The following DCUN1D5 variants were observed in gnomAD, a reference collection of about 807,000 sequenced individuals.
DCUN1D5 encodes the protein defective in cullin neddylation 1 domain containing 5.
DCUN1D5 carries 10 observed loss-of-function variants against 38.3 expected under a neutral mutation model. That is an observed-to-expected ratio of 0.26 (90% CI 0.16 to 0.44). The LOEUF is 0.44. Among genes scored for constraint, DCUN1D5 ranks in the 20% least tolerant of loss-of-function variants. DCUN1D5 has a pLI of 1.00. For missense variants in DCUN1D5, 148 were observed against 275.3 expected (o/e 0.54, Z 3.27); for synonymous variants, 93 against 90.9 (o/e 1.02, Z -0.13).
chr11:103,089,148 CAGAT>C, intron 2 of DCUN1D5, 75 bp downstream of exon 2: 1 of 1,403,420 alleles, frequency 7.1e-7, no homozygotes, highest in Admixed American at 1.8e-5. Flanking sequence ...AGGCCTGTAA[CAGAT>C]AATTTGTTAA....
rs1862431482 is a variant in DCUN1D5 at position 103,077,191 on chromosome 11, C to T, written c.341+5557G>A. 6.6e-6 allele frequency among the ~76,000 whole-genome samples: 1 copy of T among 151,804 alleles called. No homozygotes were observed. The highest frequency in any genetic ancestry group is 2.1e-4 in the South Asian group (1 of 4,816). ...CTCCAGCCTGGGAGACTGAGCAAGA[C>T]GCCGTCTCAAATAAAAAAAAAAGAA... On this transcript the variant is annotated intron_variant, in intron 4 of 7. Transcript: ENST00000260247. The surrounding 1 kb of genome is among the most constrained non-coding windows in gnomAD (Gnocchi z 4.3).
intron 4 of DCUN1D5, among the ~76,000 whole-genome samples, chr11:103,069,667 C>G (rs1862222933): frequency 6.6e-6 from 1 of 152,190 alleles, no homozygotes; most frequent in East Asian, 1.9e-4. Context: ...CTATCCCTTT[C>G]AGACAAGAAA....
intron 4 of DCUN1D5, among the ~76,000 whole-genome samples, chr11:103,081,040 A>T (rs1862551302): frequency 6.6e-6 from 1 of 151,964 alleles, no homozygotes; most frequent in South Asian, 2.1e-4. Flanking sequence ...TGGGCTAGTC[A>T]GTTTCTATTC....
At chr11:103,085,061 A>C (rs1862667640) in intron 2 of DCUN1D5, among the ~76,000 whole-genome samples, 1 of 152,244 alleles carries the variant, frequency 6.6e-6, no homozygotes, top group South Asian at 2.1e-4. Context: ...ATATATTGTA[A>C]ATTTTTCTAA....
rs187629346 is a variant in DCUN1D5, at chr11:103,089,861, A to C, written c.87-543T>G. Among the ~76,000 whole-genome samples the C allele has an allele frequency of 2.1e-3, 315 of 152,292 alleles. 1 individual carries two copies. The highest frequency in any genetic ancestry group is 3.7e-3 in the Non-Finnish European group (249 of 67,986). On this transcript the variant is annotated intron_variant, in intron 1 of 7. Coordinates refer to ENST00000260247, the MANE Select transcript of DCUN1D5 (RefSeq NM_032299.4). ...TTACACAGATTTAAAAAAAACAACA[A>C]AAAAACACTAAAAGTTAATAATAGT...
At chr11:103,090,819 G>A (rs1398105340) in intron 1 of DCUN1D5, among the ~76,000 whole-genome samples, 4 of 152,216 alleles carry the variant, frequency 2.6e-5, no homozygotes, top group Admixed American at 2.0e-4. Flanking sequence ...GGCTGAGGCA[G>A]GAGAATCGCT....
rs1024529610 is a variant in DCUN1D5 at position 103,055,258 on chromosome 11, A to C, written c.*7101T>G. 6.6e-6 allele frequency: 1 copy of C among 152,124 alleles called. No homozygotes were observed. Among genetic ancestry groups the C allele is most frequent in the African/African-American group, 2.4e-5 (1 of 41,432 alleles). 9.4% of individuals were successfully genotyped at this position (152,124 alleles called of 1,614,324 possible). A position where few individuals can be genotyped will look rare whatever the true frequency, so the allele number is the denominator to read the frequency against. ...CTCAAAAAGTTTTGGATTTTGAAGC[A>C]TTTTGAATTTCAGATTTTCAAGTTA... On this transcript the variant is annotated 3_prime_UTR_variant, in exon 8 of 8. Coordinates refer to ENST00000260247, the MANE Select transcript of DCUN1D5 (RefSeq NM_032299.4).
At position 103,057,857 on chromosome 11, in the gene DCUN1D5, A is replaced by T. The variant is rs1861912262; in HGVS notation, c.*4502T>A. 6.6e-6 allele frequency among the ~76,000 whole-genome samples: 1 copy of T among 152,228 alleles called. No individual in the cohort carries two copies. On this transcript the variant is annotated 3_prime_UTR_variant, in exon 8 of 8. Transcript: ENST00000260247. This position sits in a 1 kb window ranked among gnomAD's most constrained non-coding sequence, Gnocchi z 4.8. ...TTAGCTTTTTAAAATCCACAATTTT[A>T]ACCTCATACTTAAAACCAAACCCAT...
Position 103,066,384 on chromosome 11 carries a change from A to G in DCUN1D5, c.451-11T>C. ...TCTCTGATCTTTATCCTAAAATATA[A>G]GTGAAAAAGTTTTCCTAAGTGTGGT... On this transcript the variant is annotated splice_polypyrimidine_tract_variant and intron_variant, in intron 5 of 7. Transcript: ENST00000260247. The surrounding 1 kb of genome is among the most constrained non-coding windows in gnomAD (Gnocchi z 4.7). The G allele has an allele frequency of 1.2e-6, 2 of 1,603,020 alleles. No individual in the cohort carries two copies. Among genetic ancestry groups the G allele is most frequent in the Non-Finnish European group, 1.7e-6 (2 of 1,175,054 alleles).
rs779440007 is a variant in DCUN1D5, at chr11:103,066,231, T to A, written c.555+38A>T. 1 of 1,311,840 alleles carries A rather than the reference T, an allele frequency of 7.6e-7. No individual in the cohort carries two copies. The highest frequency in any genetic ancestry group is 1.1e-6 in the Non-Finnish European group (1 of 945,538). 81.3% of individuals were successfully genotyped at this position (1,311,840 alleles called of 1,614,324 possible). ...AAAGTATAACTTTCAGATTAAGTTT[T>A]AAAATAATATTTTCAAAATTCGAAA... On this transcript the variant is annotated intron_variant, in intron 6 of 7. Coordinates refer to ENST00000260247, the MANE Select transcript of DCUN1D5 (RefSeq NM_032299.4). The surrounding 1 kb of genome is among the most constrained non-coding windows in gnomAD (Gnocchi z 4.7).
At position 103,055,240 on chromosome 11, in the gene DCUN1D5, A is replaced by ATTTT. The variant is rs1861845548; in HGVS notation, c.*7118_*7119insAAAA. 1 of 152,128 alleles carries ATTTT rather than the reference A, an allele frequency of 6.6e-6. No individual in the cohort carries two copies. Among genetic ancestry groups the ATTTT allele is most frequent in the Non-Finnish European group, 1.5e-5 (1 of 68,004 alleles). 9.4% of individuals were successfully genotyped at this position (152,128 alleles called of 1,614,324 possible). A position where few individuals can be genotyped will look rare whatever the true frequency, so the allele number is the denominator to read the frequency against. On this transcript the variant is annotated 3_prime_UTR_variant, in exon 8 of 8. Coordinates refer to ENST00000260247, the MANE Select transcript of DCUN1D5 (RefSeq NM_032299.4). ...TGTGGCATCATGTCAACACTCAAAA[A>ATTTT]GTTTTGGATTTTGAAGCATTTTGAA... is the stretch of plus-strand genomic sequence containing the variant.
At position 103,073,515 on chromosome 11, in the gene DCUN1D5, C is replaced by G. The variant is rs1185364809; in HGVS notation, c.342-6948G>C. On this transcript the variant is annotated intron_variant, in intron 4 of 7. Transcript: ENST00000260247. This position sits in a 1 kb window ranked among gnomAD's most constrained non-coding sequence, Gnocchi z 4.2. The stretch of plus-strand genomic sequence containing the variant: ...CAGGATGCATAAGTCTACCTGATTT[C>G]AAGTCTTAGTATTTAGCCACAGTAA... 1.3e-5 allele frequency among the ~76,000 whole-genome samples: 2 copies of G among 152,188 alleles called. No individual in the cohort carries two copies. Among genetic ancestry groups the G allele is most frequent in the Non-Finnish European group, 1.5e-5 (1 of 68,034 alleles).
At position 103,052,314 on chromosome 11, in the gene DCUN1D5, C is replaced by T. The variant is rs1206642772; in HGVS notation, c.*10045G>A. On this transcript the variant is annotated 3_prime_UTR_variant, in exon 8 of 8. Coordinates refer to ENST00000260247, the MANE Select transcript of DCUN1D5 (RefSeq NM_032299.4). Reference sequence around the variant, plus strand: ...TTCATTCATTAATTCAGTAAGCAAACTCAATTTGCAGGCCATGAGAGATAA... The same window carrying T: ...TTCATTCATTAATTCAGTAAGCAAATTCAATTTGCAGGCCATGAGAGATAA... 6.6e-6 allele frequency: 1 copy of T among 152,136 alleles called. No homozygotes were observed. Among genetic ancestry groups the T allele is most frequent in the African/African-American group, 2.4e-5 (1 of 41,416 alleles). The allele number at this position is 152,136 out of a possible 1,614,324, so 9.4% of individuals were successfully genotyped here.
Position 103,073,192 on chromosome 11 carries a change from G to A in DCUN1D5, c.342-6625C>T, listed in dbSNP as rs1326766638. Among the ~76,000 whole-genome samples, 1 of 152,026 alleles carries A rather than the reference G, an allele frequency of 6.6e-6. No homozygotes were observed. The highest frequency in any genetic ancestry group is 1.5e-5 in the Non-Finnish European group (1 of 68,014). ...AATTCTAACAAAAGATGTACAGGAC[G>A]TATATGCCGAAAACTACACAAAACT... On this transcript the variant is annotated intron_variant, in intron 4 of 7. Transcript: ENST00000260247. This position sits in a 1 kb window ranked among gnomAD's most constrained non-coding sequence, Gnocchi z 4.2.
chr11:103,085,227 C>T (rs904481736), intron 2 of DCUN1D5, among the ~76,000 whole-genome samples: 1 of 152,104 alleles, frequency 6.6e-6, no homozygotes, highest in African/African-American at 2.4e-5. Context: ...ATTACGAGGT[C>T]AGGATTTCAA....
Position 103,059,961 on chromosome 11 carries a change from AACC to A in DCUN1D5, c.*2395_*2397del, listed in dbSNP as rs776871444. On this transcript the variant is annotated 3_prime_UTR_variant, in exon 8 of 8. Transcript: ENST00000260247. ...CTTAAAGCTAACTAGTCAAAAAAGGAACCACAACAGTTAGACTTTTTTATACTG... is the reference window on the plus strand; with the variant it reads ...CTTAAAGCTAACTAGTCAAAAAAGGAACAACAGTTAGACTTTTTTATACTG... Among the ~76,000 whole-genome samples, 3 of 152,174 alleles carry A rather than the reference AACC, an allele frequency of 2.0e-5. No homozygotes were observed. Among genetic ancestry groups the A allele is most frequent in the Non-Finnish European group, 2.9e-5 (2 of 68,022 alleles).
Position 103,091,705 on chromosome 11 carries a change from C to T in DCUN1D5, c.86+82G>A. The T allele has an allele frequency of 6.2e-7, 1 of 1,611,654 alleles. No individual in the cohort carries two copies. The highest frequency in any genetic ancestry group is 8.5e-7 in the Non-Finnish European group (1 of 1,178,934). On this transcript the variant is annotated intron_variant, in intron 1 of 7. Transcript: ENST00000260247. This position sits in a 1 kb window ranked among gnomAD's most constrained non-coding sequence, Gnocchi z 4.3. The stretch of plus-strand genomic sequence containing the variant: ...TCACCTGTCTCCAGCCCCAGCCCGG[C>T]AGGCCGGGCCCGACTCCTTTTCCTC...
At chr11:103,088,056 G>C (rs920494937) in intron 2 of DCUN1D5, among the ~76,000 whole-genome samples, 5 of 152,152 alleles carry the variant, frequency 3.3e-5, no homozygotes, top group Non-Finnish European at 7.4e-5. Context: ...GGTCTAGAAA[G>C]AATCTGTTCT....
rs1238092299 is a variant in DCUN1D5 at position 103,059,223 on chromosome 11, G to T, written c.*3136C>A. On this transcript the variant is annotated 3_prime_UTR_variant, in exon 8 of 8. Transcript: ENST00000260247. ...GTAGGCAGACAGGACATGTTTTGTT[G>T]AAGAAATACTTCAAAGTGAAATGTT... 6.6e-6 allele frequency among the ~76,000 whole-genome samples: 1 copy of T among 152,176 alleles called. No homozygotes were observed. The highest frequency in any genetic ancestry group is 1.9e-4 in the East Asian group (1 of 5,184).
Sources: gnomAD v4.1 joint callset for allele counts (sites outside exome capture counted in the v4.1 genomes callset) on GRCh38, gnomAD v4.1.1 for gene constraint, Gnocchi (gnomAD v3.1) non-coding constraint, MANE v1.5 for transcripts, NCBI Gene and HGNC (gene_info 2026-07-23, HGNC 2026-07-21) for gene names.